Variants in AGBL1 observed in about 807,000 individuals in gnomAD.
The protein encoded by AGBL1 is AGBL carboxypeptidase 1, also known as cytosolic carboxypeptidase 4.
AGBL1 carries 130 observed loss-of-function variants against 118.9 expected under a neutral mutation model. The ratio of observed to expected loss-of-function variants is 1.09; its 90% confidence interval spans 0.95 to 1.26. AGBL1 has a LOEUF of 1.26. Ranked by LOEUF, AGBL1 falls within the 50% of genes most tolerant of loss-of-function variation. AGBL1 has a pLI of 0.00. For missense variants in AGBL1, 1,584 were observed against 1,298.1 expected, an observed-to-expected ratio of 1.22 and a Z score of -3.38; for synonymous variants, 555 against 478.9, an observed-to-expected ratio of 1.16 and a Z score of -2.08.
intron 18 of AGBL1, among the ~76,000 whole-genome samples, chr15:86,403,160 G>T (rs115347638): frequency 1.3e-5 from 2 of 152,110 alleles, no homozygotes. Flanking sequence ...ATGAGCACGG[G>T]GTGAGGGAGA....
chr15:86,804,209 C>T (rs939306462), intron 22 of AGBL1, among the ~76,000 whole-genome samples: 4 of 152,048 alleles, frequency 2.6e-5, no homozygotes, highest in African/African-American at 4.8e-5. Context: ...TTTAAACATT[C>T]GTGAATCTGA....
chr15:86,745,756 C>A (rs1325782609), intron 22 of AGBL1, among the ~76,000 whole-genome samples: 1 of 152,060 alleles, frequency 6.6e-6, no homozygotes, highest in Non-Finnish European at 1.5e-5. Flanking sequence ...CTACTGGTAG[C>A]CAGTCATTAT....
At chr15:86,408,281 G>A (rs1029896819) in intron 18 of AGBL1, among the ~76,000 whole-genome samples, 2 of 152,166 alleles carry the variant, frequency 1.3e-5, no homozygotes, top group Admixed American at 6.5e-5. Flanking sequence ...AGATGGGGGA[G>A]TAAAATTCCC....
At chr15:86,769,385 A>G (rs1361454261) in intron 22 of AGBL1, among the ~76,000 whole-genome samples, 1 of 151,946 alleles carries the variant, frequency 6.6e-6, no homozygotes, top group Non-Finnish European at 1.5e-5. Context: ...TTATATAAGT[A>G]TTCTTAATTT....
intron 22 of AGBL1, 138 bp downstream of exon 22, chr15:86,674,574 C>A: frequency 1.2e-6 from 1 of 866,276 alleles, no homozygotes; most frequent in Non-Finnish European, 1.7e-6. Flanking sequence ...AAGGTAGGTA[C>A]ACTATCTCGT....
chr15:86,776,789 TGA>T (rs1290141997), intron 22 of AGBL1, among the ~76,000 whole-genome samples: 22 of 113,014 alleles, frequency 1.9e-4, no homozygotes, highest in East Asian at 5.2e-4. Context: ...TGTGTGTGTG[TGA>T]GAGAGAGAGA....
intron 21 of AGBL1, among the ~76,000 whole-genome samples, chr15:86,560,521 T>C (rs1250794918): frequency 2.6e-5 from 4 of 152,248 alleles, no homozygotes; most frequent in Non-Finnish European, 4.4e-5. Context: ...TGCCACATTT[T>C]CTTAATCCAG....
At chr15:86,523,371 T>C (rs917153692) in intron 19 of AGBL1, among the ~76,000 whole-genome samples, 1 of 152,202 alleles carries the variant, frequency 6.6e-6, no homozygotes, top group Non-Finnish European at 1.5e-5. Context: ...AATAAGGACA[T>C]TAGTCATTGT....
At chr15:86,229,230 C>A (rs1166503143) in intron 6 of AGBL1, among the ~76,000 whole-genome samples, 3 of 152,118 alleles carry the variant, frequency 2.0e-5, no homozygotes, top group Non-Finnish European at 4.4e-5. Flanking sequence ...GAAGAAATAC[C>A]TGAGGCTGGG....
intron 17 of AGBL1, among the ~76,000 whole-genome samples, chr15:86,376,634 T>C (rs976838773): frequency 6.6e-6 from 1 of 152,252 alleles, no homozygotes; most frequent in African/African-American, 2.4e-5. Flanking sequence ...GCATACTGCC[T>C]ATGTGGCTGA....
intron 6 of AGBL1, among the ~76,000 whole-genome samples, chr15:86,233,130 G>A (rs759479888): frequency 2.0e-5 from 3 of 152,166 alleles, no homozygotes; most frequent in Non-Finnish European, 4.4e-5. Context: ...TTTGAACTCA[G>A]TTGTGACCAT....
intron 23 of AGBL1, among the ~76,000 whole-genome samples, chr15:86,977,368 A>G (rs1029199621): frequency 9.3e-5 from 14 of 150,904 alleles, no homozygotes; most frequent in African/African-American, 3.4e-4. Context: ...TAAGTTCCTT[A>G]TTGTTCCTTT....
intron 22 of AGBL1, among the ~76,000 whole-genome samples, chr15:86,827,291 GTATATATA>G (rs1182771082): frequency 8.0e-5 from 3 of 37,504 alleles, no homozygotes; most frequent in Non-Finnish European, 1.5e-4. Context: ...GGGTGTGTAT[GTATATATA>G]TATGTATATA....
intron 3 of AGBL1, among the ~76,000 whole-genome samples, chr15:86,144,359 C>T (rs1340613847): frequency 6.6e-6 from 1 of 152,158 alleles, no homozygotes; most frequent in East Asian, 1.9e-4. Flanking sequence ...TATAAAGACA[C>T]CTGCATGCAT....
chr15:86,382,855 C>G (rs148421969), intron 17 of AGBL1, among the ~76,000 whole-genome samples: 4,582 of 152,168 alleles, frequency 0.03, 96 homozygotes, highest in South Asian at 0.05. Context: ...AAGGCCACTT[C>G]CCTTTTGCTG....
intron 1 of AGBL1, among the ~76,000 whole-genome samples, chr15:86,115,394 T>C (rs1897690890): frequency 6.6e-6 from 1 of 152,238 alleles, no homozygotes; most frequent in Non-Finnish European, 1.5e-5. Context: ...CTTTACTTTA[T>C]TGGCTATTTC....
intron 18 of AGBL1, among the ~76,000 whole-genome samples, chr15:86,438,309 C>T (rs1332017176): frequency 2.6e-5 from 4 of 152,106 alleles, no homozygotes; most frequent in Admixed American, 6.6e-5. Context: ...CTCAATATAC[C>T]TAAGTTCTTA....
intron 24 of AGBL1, among the ~76,000 whole-genome samples, chr15:87,026,388 G>A (rs1318208643): frequency 6.6e-6 from 1 of 151,810 alleles, no homozygotes; most frequent in Admixed American, 6.6e-5. Flanking sequence ...CAACAAATAT[G>A]AAAAAATGCT....
downstream of AGBL1, among the ~76,000 whole-genome samples, chr15:87,030,495 T>A (rs867219708): frequency 3.3e-4 from 50 of 152,076 alleles, no homozygotes; most frequent in African/African-American, 1.1e-3. Flanking sequence ...GACCATAGAT[T>A]GTATCACTAA....
Sources: gnomAD v4.1 joint callset for allele counts (sites outside exome capture counted in the v4.1 genomes callset) on GRCh38, gnomAD v4.1.1 for gene constraint, MANE v1.5 for transcripts, NCBI Gene and HGNC (gene_info 2026-07-23, HGNC 2026-07-21) for gene names.